TIAM2: variants seen among roughly 807,000 people sequenced by gnomAD.
The protein encoded by TIAM2 is TIAM Rac1 associated GEF 2.
TIAM2 carries 80 observed loss-of-function variants against 152.9 expected under a neutral mutation model. The observed-to-expected ratio is 0.52, with a 90% CI of 0.44 to 0.63. TIAM2 has a LOEUF of 0.63. Ranked by LOEUF, TIAM2 falls within the 30% of genes least tolerant of loss-of-function variation. TIAM2 has a pLI of 0.00. For synonymous variants in TIAM2, 804 were observed against 838.0 expected (o/e 0.96, Z 0.70); for missense variants, 1,965 against 2,120.1 (o/e 0.93, Z 1.44).
rs368141989 is a variant in TIAM2 at position 155,257,002 on chromosome 6, T to C, written c.4987T>C (p.Ser1663Pro). 15 of 1,614,064 alleles carry C rather than the reference T, an allele frequency of 9.3e-6. No homozygotes were observed. The highest frequency in any genetic ancestry group is 1.6e-4 in the Middle Eastern group (1 of 6,084). The change falls in exon 27 of 27, where the codon TCT (serine) becomes CCT (proline). Residue 1663 changes from serine to proline, a missense_variant. Coordinates refer to ENST00000682666, the MANE Select transcript of TIAM2 (RefSeq NM_012454.4). ...QIRHQSLDSQ[S>P]ENATIDLNSV... Reference sequence around the variant, plus strand: ...CCGTCACCAGTCCCTTGACAGTCAGTCTGAAAATGCCACCATCGACCTAAA... The same window carrying C: ...CCGTCACCAGTCCCTTGACAGTCAGCCTGAAAATGCCACCATCGACCTAAA...
At chr6:155,093,869 A>T (rs2114983663) in intron 2 of TIAM2, among the ~76,000 whole-genome samples, 1 of 152,282 alleles carries the variant, frequency 6.6e-6, no homozygotes, top group East Asian at 1.9e-4. Flanking sequence ...GAAACCTAGG[A>T]TTTAGCCTTC....
chr6:155,250,568 G>C, intron 21 of TIAM2: 2 of 1,536,030 alleles, frequency 1.3e-6, no homozygotes, highest in Non-Finnish European at 1.7e-6. Flanking sequence ...GGTGATGGAT[G>C]TACTAGATCC....
intron 14 of TIAM2, among the ~76,000 whole-genome samples, chr6:155,210,159 G>A (rs1291376771): frequency 6.6e-6 from 1 of 152,166 alleles, no homozygotes; most frequent in African/African-American, 2.4e-5. Context: ...AGGATGGGAT[G>A]TGTGCTTCCA....
rs564664935 is a variant in TIAM2 at position 155,179,516 on chromosome 6, C to T, written c.2707+60C>T. ...GTTGTTCATCTTTGCCTACTTTGCC[C>T]CAGCATCTTTGGACTTAATTTTTTC... On this transcript the variant is annotated intron_variant, in intron 12 of 26. Transcript: ENST00000682666. 17 of 1,498,562 alleles carry T rather than the reference C, an allele frequency of 1.1e-5. No individual in the cohort carries two copies. The South Asian group carries it at 2.1e-4, about 18-fold the overall frequency. 92.8% of individuals were successfully genotyped at this position (1,498,562 alleles called of 1,614,324 possible).
chr6:155,036,358 C>A (rs1040423094), intron 1 of TIAM2, among the ~76,000 whole-genome samples: 1 of 151,570 alleles, frequency 6.6e-6, no homozygotes, highest in Non-Finnish European at 1.5e-5. Context: ...TATGGTAAAC[C>A]CTGTCTCTAC....
chr6:155,248,050 A>G lies in TIAM2; in HGVS notation c.3703A>G (p.Lys1235Glu), dbSNP rs920614515. ...TTTTCTGGACGCCCGGAACCCCACC[A>G]AGCAGCATTCCTCCACGCTGGAGTC... ...KAFLDARNPT[K>E]QHSSTLESYL... Residue 1235 changes from lysine to glutamate, a missense_variant, in exon 20 of 27, where the codon AAG (lysine) becomes GAG (glutamate). By Grantham distance (56) the Lys-to-Glu change is moderately conservative (BLOSUM62 1). Coordinates refer to ENST00000682666, the MANE Select transcript of TIAM2 (RefSeq NM_012454.4). 8 of 1,614,092 alleles carry G rather than the reference A, an allele frequency of 5.0e-6. No individual in the cohort carries two copies. Among genetic ancestry groups the G allele is most frequent in the Non-Finnish European group, 6.8e-6 (8 of 1,180,040 alleles).
intron 1 of TIAM2, among the ~76,000 whole-genome samples, chr6:155,072,556 G>A (rs1166375677): frequency 6.6e-6 from 1 of 152,260 alleles, no homozygotes; most frequent in African/African-American, 2.4e-5. Flanking sequence ...AGAAAGGGGG[G>A]CCAGGTGATA....
rs551433338 is a variant in TIAM2 at position 155,080,499 on chromosome 6, G to A, written c.-208-9790G>A. Among the ~76,000 whole-genome samples the A allele has an allele frequency of 9.9e-4, 151 of 151,770 alleles. 1 individual carries two copies. The highest frequency in any genetic ancestry group is 3.6e-3 in the African/African-American group (147 of 41,378). ...CTGTCCCCCAGGCTGGAGTACAGTGGCACAATCTCTGCTCACTGCAACCTC... is the reference window on the plus strand; with the variant it reads ...CTGTCCCCCAGGCTGGAGTACAGTGACACAATCTCTGCTCACTGCAACCTC... On this transcript the variant is annotated intron_variant, in intron 1 of 26. Coordinates refer to ENST00000682666, the MANE Select transcript of TIAM2 (RefSeq NM_012454.4).
At chr6:155,134,021 A>G (rs1256790044) in intron 4 of TIAM2, among the ~76,000 whole-genome samples, 2 of 151,330 alleles carry the variant, frequency 1.3e-5, no homozygotes, top group Admixed American at 1.3e-4. Context: ...TTGAGTTTTT[A>G]CTCTTGAGTC....
At chr6:155,240,050 C>G (rs1345710717) in intron 15 of TIAM2, among the ~76,000 whole-genome samples, 4 of 152,226 alleles carry the variant, frequency 2.6e-5, no homozygotes, top group South Asian at 4.1e-4. Flanking sequence ...CCAGGTCGTC[C>G]TGTAATTGCT....
At chr6:155,203,856 A>G (rs1051210907) in intron 14 of TIAM2, among the ~76,000 whole-genome samples, 2 of 152,144 alleles carry the variant, frequency 1.3e-5, no homozygotes, top group African/African-American at 4.8e-5. Context: ...GCAAAATGCT[A>G]TGGGTTGGAT....
chr6:155,042,648 C>T (rs1488164148), intron 1 of TIAM2, among the ~76,000 whole-genome samples: 2 of 152,066 alleles, frequency 1.3e-5, no homozygotes, highest in African/African-American at 2.4e-5. Flanking sequence ...TGTCAAGGAA[C>T]TTAAGGAGAT....
chr6:155,109,357 T>C (rs1778779347), intron 2 of TIAM2, among the ~76,000 whole-genome samples: 1 of 152,180 alleles, frequency 6.6e-6, no homozygotes, highest in Non-Finnish European at 1.5e-5. Context: ...AAGGAATAAT[T>C]TGCATCTTTT....
Position 155,066,375 on chromosome 6 carries a change from G to A in TIAM2, c.-208-23914G>A, listed in dbSNP as rs116232660. ...GTTCATTGTTTACATCACATTACAT[G>A]TGAGTCTGTGAAGTCCTGGAGCGTG... On this transcript the variant is annotated intron_variant, in intron 1 of 26. Coordinates refer to ENST00000682666, the MANE Select transcript of TIAM2 (RefSeq NM_012454.4). 4.5e-3 allele frequency among the ~76,000 whole-genome samples: 691 copies of A among 152,320 alleles called. 5 individuals carry two copies. The highest frequency in any genetic ancestry group is 0.016 in the African/African-American group (657 of 41,566).
chr6:155,217,038 G>C, intron 15 of TIAM2: 1 of 1,288,854 alleles, frequency 7.8e-7, no homozygotes, highest in African/African-American at 1.5e-5. Context: ...GATGTGATCC[G>C]TTCTCCCAGA....
intron 19 of TIAM2, among the ~76,000 whole-genome samples, chr6:155,246,327 T>G (rs763343145): frequency 1.3e-5 from 2 of 152,116 alleles, no homozygotes; most frequent in South Asian, 2.1e-4. Flanking sequence ...CAGAACGTCA[T>G]GATATCCCAG....
At position 155,108,426 on chromosome 6, in the gene TIAM2, C is replaced by T. The variant is rs865907044; in HGVS notation, c.-118+18047C>T. Among the ~76,000 whole-genome samples the T allele has an allele frequency of 5.3e-5, 8 of 152,192 alleles. No homozygotes were observed. In the South Asian group the frequency reaches 1.2e-3, roughly 24 times the overall value. On this transcript the variant is annotated intron_variant, in intron 2 of 26. Coordinates refer to ENST00000682666, the MANE Select transcript of TIAM2 (RefSeq NM_012454.4). ...AGCAGGAACAGTGCACTGACCGCCG[C>T]CTTCTCCGGTCACATTAACACTTGT...
chr6:155,063,374 ATGT>A (rs1777627613), intron 1 of TIAM2, among the ~76,000 whole-genome samples: 2 of 151,926 alleles, frequency 1.3e-5, no homozygotes. Context: ...TGGAGAGTAC[ATGT>A]TGTGCGTGTG....
At position 155,049,376 on chromosome 6, in the gene TIAM2, C is replaced by T. The variant is rs559587378; in HGVS notation, c.-208-40913C>T. On this transcript the variant is annotated intron_variant, in intron 1 of 26. Transcript: ENST00000682666. ...AGGCTGGTTCTGCAGGTCATTCATA[C>T]CTGGACTTTATTGCAGCCTTAAAAT... is the stretch of plus-strand genomic sequence containing the variant. Among the ~76,000 whole-genome samples, 38 of 152,202 alleles carry T rather than the reference C, an allele frequency of 2.5e-4. 2 individuals are homozygous for T. In the South Asian group the frequency reaches 7.7e-3, roughly 31 times the overall value.
Sources: allele counts gnomAD v4.1 joint callset (sites outside exome capture counted in the v4.1 genomes callset), GRCh38; gene constraint gnomAD v4.1.1; transcripts MANE v1.5; gene names NCBI Gene and HGNC (gene_info 2026-07-23, HGNC 2026-07-21).